Variants in EYA1 observed in about 807,000 individuals in gnomAD.
EYA1 encodes the protein protein phosphatase EYA1.
Under a neutral mutation model 82.0 loss-of-function variants are expected in EYA1, and 16 were observed. That is an observed-to-expected ratio of 0.20 (90% CI 0.13 to 0.30). The LOEUF is 0.30. Ranked by LOEUF, EYA1 falls within the 10% of genes least tolerant of loss-of-function variation. EYA1 has a pLI of 1.00. For synonymous variants in EYA1, 261 were observed against 264.4 expected (o/e 0.99, Z 0.12); for missense variants, 633 against 730.7 (o/e 0.87, Z 1.54).
chr8:71,542,330 G>A (rs1815204949), intron 1 of EYA1, among the ~76,000 whole-genome samples: 2 of 152,074 alleles, frequency 1.3e-5, no homozygotes, highest in South Asian at 4.1e-4. Context: ...TTGGTTTTCT[G>A]TTTCTGCCTT....
upstream of EYA1, among the ~76,000 whole-genome samples, chr8:71,364,982 A>G (rs1314662147): frequency 1.5e-5 from 2 of 136,676 alleles, no homozygotes; most frequent in Non-Finnish European, 3.1e-5. Context: ...ATATATATAT[A>G]TATACATATA....
intron 1 of EYA1, among the ~76,000 whole-genome samples, chr8:71,360,721 G>C (rs920601571): frequency 6.6e-6 from 1 of 152,192 alleles, no homozygotes; most frequent in Non-Finnish European, 1.5e-5. Context: ...TACTTTGAAA[G>C]ACACATTATA....
intron 12 of EYA1, among the ~76,000 whole-genome samples, chr8:71,226,876 G>A (rs1175087636): frequency 6.6e-6 from 1 of 151,674 alleles, no homozygotes; most frequent in Non-Finnish European, 1.5e-5. Flanking sequence ...CGCTGACATT[G>A]TACACAAAAG....
chr8:71,470,553 A>G (rs1265468111), intron 2 of EYA1, among the ~76,000 whole-genome samples: 1 of 152,140 alleles, frequency 6.6e-6, no homozygotes, highest in African/African-American at 2.4e-5. Context: ...CACCAACCTA[A>G]TAGAAGGTGA....
intron 4 of EYA1, among the ~76,000 whole-genome samples, chr8:71,331,002 G>A (rs558182808): frequency 5.3e-5 from 8 of 152,028 alleles, no homozygotes; most frequent in Admixed American, 6.6e-5. Context: ...AGGCCGAGGC[G>A]AGTGGATTAC....
At chr8:71,208,687 C>A (rs776557767) in intron 17 of EYA1, among the ~76,000 whole-genome samples, 6 of 151,886 alleles carry the variant, frequency 4.0e-5, no homozygotes, top group East Asian at 3.9e-4. Context: ...ATGTATCAAA[C>A]CTGCACATTG....
chr8:71,226,220 G>T (rs1366384427), intron 12 of EYA1, among the ~76,000 whole-genome samples: 4 of 151,944 alleles, frequency 2.6e-5, no homozygotes, highest in African/African-American at 4.8e-5. Flanking sequence ...TCAAAGTTTT[G>T]ATATTTTCTT....
At chr8:71,311,558 A>C (rs1821345309) in intron 7 of EYA1, among the ~76,000 whole-genome samples, 1 of 152,232 alleles carries the variant, frequency 6.6e-6, no homozygotes. Flanking sequence ...TGGTGTGTGA[A>C]GAAAAACCCC....
chr8:71,206,258 A>T (rs554697267), intron 17 of EYA1, among the ~76,000 whole-genome samples: 2 of 151,812 alleles, frequency 1.3e-5, no homozygotes, highest in African/African-American at 4.8e-5. Context: ...TTACTCTGTC[A>T]CCCAGGCTGG....
At chr8:71,514,829 T>C (rs1452074408) in intron 2 of EYA1, among the ~76,000 whole-genome samples, 1 of 152,186 alleles carries the variant, frequency 6.6e-6, no homozygotes, top group Non-Finnish European at 1.5e-5. Flanking sequence ...TTCTGATTAG[T>C]AGAATTTGAG....
At chr8:71,342,072 A>G (rs1381215788) in intron 3 of EYA1, among the ~76,000 whole-genome samples, 1 of 152,176 alleles carries the variant, frequency 6.6e-6, no homozygotes, top group South Asian at 2.1e-4. Flanking sequence ...GTTTCCTAAC[A>G]TATGCAATCT....
Position 71,216,792 on chromosome 8 carries a change from C to T in EYA1, c.1260G>A (p.Leu420=). 6.2e-7 allele frequency: 1 copy of T among 1,614,074 alleles called. No individual in the cohort carries two copies. The highest frequency in any genetic ancestry group is 8.5e-7 in the Non-Finnish European group (1 of 1,179,976). ...CCACACCGCCCCGTACACCAGTTGC[C>T]AAACATAAGTTAGCACTGGTTGCTG... ...PAAATSANLC[L]ATGVRGGVDW... is the part of the protein sequence containing the mutation. Residue 420 remains leucine, a synonymous_variant, in exon 14 of 18, where the codon TTG becomes TTA. Coordinates refer to ENST00000340726, the MANE Select transcript of EYA1 (RefSeq NM_000503.6).
chr8:71,377,581 A>T (rs1193538137), intron 2 of EYA1, among the ~76,000 whole-genome samples: 1 of 152,204 alleles, frequency 6.6e-6, no homozygotes, highest in Non-Finnish European at 1.5e-5. Flanking sequence ...TATTGTGATA[A>T]AATGTATATA....
chr8:71,333,853 C>T (rs1018038672), intron 4 of EYA1, among the ~76,000 whole-genome samples: 11 of 152,138 alleles, frequency 7.2e-5, no homozygotes, highest in African/African-American at 2.7e-4. Flanking sequence ...AAGAACAACA[C>T]CCTTTTTATA....
At chr8:71,517,518 T>TATG (rs1813056699) in intron 2 of EYA1, among the ~76,000 whole-genome samples, 1 of 151,724 alleles carries the variant, frequency 6.6e-6, no homozygotes, top group Non-Finnish European at 1.5e-5. Context: ...AAAAAATAGT[T>TATG]ATCATAAGGT....
chr8:71,263,521 G>A (rs1815392627), intron 11 of EYA1, among the ~76,000 whole-genome samples: 1 of 152,154 alleles, frequency 6.6e-6, no homozygotes, highest in Non-Finnish European at 1.5e-5. Flanking sequence ...ATTCACGTGA[G>A]GGTCTGTGTT....
chr8:71,309,471 A>C (rs1732948431), intron 7 of EYA1, among the ~76,000 whole-genome samples: 1 of 152,248 alleles, frequency 6.6e-6, no homozygotes. Flanking sequence ...AAGCTGCAAT[A>C]GCTATTCTTC....
chr8:71,277,131 T>TGC (rs1817288977), intron 9 of EYA1, among the ~76,000 whole-genome samples: 1 of 138,536 alleles, frequency 7.2e-6, no homozygotes, highest in African/African-American at 2.7e-5. Flanking sequence ...TTTTTTTTTT[T>TGC]TTTTTTTTTT....
intron 2 of EYA1, among the ~76,000 whole-genome samples, chr8:71,473,742 C>A (rs1586787775): frequency 6.6e-6 from 1 of 152,188 alleles, no homozygotes; most frequent in Non-Finnish European, 1.5e-5. Flanking sequence ...TGTAAAGACA[C>A]ATGCACACGT....
Sources: allele counts gnomAD v4.1 joint callset (sites outside exome capture counted in the v4.1 genomes callset), GRCh38; gene constraint gnomAD v4.1.1; transcripts MANE v1.5; gene names NCBI Gene and HGNC (gene_info 2026-07-23, HGNC 2026-07-21).